NEK10: variants seen among roughly 807,000 people sequenced by gnomAD.
NEK10 encodes serine/threonine-protein kinase Nek10.
Under a neutral mutation model 159.8 loss-of-function variants are expected in NEK10, and 122 were observed. The ratio of observed to expected loss-of-function variants is 0.76; its 90% CI spans 0.66 to 0.89. The LOEUF is 0.89. NEK10 is among the 40% of genes least tolerant of loss of function. The pLI, the probability that NEK10 is intolerant of heterozygous loss-of-function variation, is 0.00. For synonymous variants in NEK10, 466 were observed against 457.1 expected (o/e 1.02, Z -0.25); for missense variants, 1,342 against 1,323.1 (o/e 1.01, Z -0.22).
chr3:27,248,487 G>C (rs1955322513), intron 23 of NEK10, among the ~76,000 whole-genome samples: 1 of 151,864 alleles, frequency 6.6e-6, no homozygotes, highest in Non-Finnish European at 1.5e-5. Context: ...TTTGGTTTAG[G>C]CATTTATAGC....
chr3:27,111,196 G>A lies in NEK10; in HGVS notation c.*76C>T. 2 of 1,379,602 alleles carry A rather than the reference G, an allele frequency of 1.4e-6. No individual in the cohort carries two copies. The highest frequency in any genetic ancestry group is 2.3e-5 in the East Asian group (1 of 43,326). The allele number at this position is 1,379,602 out of a possible 1,614,324, so 85.5% of individuals were successfully genotyped here. ...CCCTCTAGCAGCACCCAATCCTTGG[G>A]CATCTTGCAATAGCGGCTGAAGTCC... On this transcript the variant is annotated 3_prime_UTR_variant, in exon 36 of 36. Transcript: ENST00000691995.
At position 27,156,600 on chromosome 3, in the gene NEK10, C is replaced by T. The variant is rs1001832244; in HGVS notation, c.2869+6101G>A. Among the ~76,000 whole-genome samples the T allele has an allele frequency of 5.3e-5, 8 of 151,690 alleles. No homozygotes were observed. In the East Asian group the frequency reaches 5.8e-4, roughly 11 times the overall value. ...GGAAATGCAAATCAAAACCAAAATG[C>T]GATACCACCTTACTCCTGCAAGAAT... On this transcript the variant is annotated intron_variant, in intron 30 of 35. Coordinates refer to ENST00000691995, the MANE Select transcript of NEK10 (RefSeq NM_001394966.1).
At chr3:27,226,708 TATCTA>T (rs1198348803) in intron 23 of NEK10, among the ~76,000 whole-genome samples, 2 of 152,154 alleles carry the variant, frequency 1.3e-5, no homozygotes, top group Admixed American at 6.5e-5. Context: ...CCAATGCACA[TATCTA>T]ATATTAAGAT....
At chr3:27,178,032 G>T (rs146167918) in intron 26 of NEK10, among the ~76,000 whole-genome samples, 182 of 152,138 alleles carry the variant, frequency 1.2e-3, no homozygotes, top group African/African-American at 3.7e-3. Context: ...GACACATTCC[G>T]GATATCAATA....
At chr3:27,125,764 G>A (rs547244706) in intron 32 of NEK10, among the ~76,000 whole-genome samples, 6 of 152,184 alleles carry the variant, frequency 3.9e-5, no homozygotes, top group East Asian at 1.9e-4. Context: ...ACTCATCCCC[G>A]TTTCTGCCAA....
At chr3:27,348,355 G>A (rs1006992972) in intron 3 of NEK10, among the ~76,000 whole-genome samples, 5 of 152,150 alleles carry the variant, frequency 3.3e-5, no homozygotes, top group Admixed American at 1.3e-4. Context: ...CATTCCCTTT[G>A]CAGGCAGAGC....
intron 26 of NEK10, among the ~76,000 whole-genome samples, chr3:27,180,924 G>C (rs1233446003): frequency 6.6e-6 from 1 of 151,936 alleles, no homozygotes; most frequent in Non-Finnish European, 1.5e-5. Context: ...TATTACTCAA[G>C]TGCATGCCAG....
At chr3:27,331,770 CGTT>C (rs771780898) in intron 5 of NEK10, among the ~76,000 whole-genome samples, 1 of 152,108 alleles carries the variant, frequency 6.6e-6, no homozygotes, top group Non-Finnish European at 1.5e-5. Flanking sequence ...TTTCTAATAA[CGTT>C]GTGATGTTTT....
At chr3:27,297,269 G>A in intron 13 of NEK10, 29 bp from the exon 14 acceptor site, 2 of 1,486,414 alleles carry the variant, frequency 1.3e-6, no homozygotes, top group South Asian at 2.3e-5. Context: ...AATGCATAGT[G>A]TGCATCATTA....
intron 26 of NEK10, among the ~76,000 whole-genome samples, chr3:27,177,317 G>A (rs1312287181): frequency 1.3e-5 from 2 of 152,126 alleles, no homozygotes; most frequent in African/African-American, 4.8e-5. Context: ...GCTGAGGCAG[G>A]TGGATCACGA....
In NEK10 at chr3:27,107,860, C is replaced by A. The variant is rs1179343174; in HGVS notation, c.*3412G>T. Reference sequence around the variant, plus strand: ...GGAGCTAAAGTCATTTCTAAAGGAACCCAGCATATTGACTGTGCATGATTC... The same window carrying A: ...GGAGCTAAAGTCATTTCTAAAGGAAACCAGCATATTGACTGTGCATGATTC... On this transcript the variant is annotated 3_prime_UTR_variant, in exon 36 of 36. Coordinates refer to ENST00000691995, the MANE Select transcript of NEK10 (RefSeq NM_001394966.1). 6.6e-6 allele frequency among the ~76,000 whole-genome samples: 1 copy of A among 152,040 alleles called. No homozygotes were observed. The highest frequency in any genetic ancestry group is 1.5e-5 in the Non-Finnish European group (1 of 67,990).
At chr3:27,246,224 T>C (rs1955044423) in intron 23 of NEK10, among the ~76,000 whole-genome samples, 1 of 152,154 alleles carries the variant, frequency 6.6e-6, no homozygotes, top group Non-Finnish European at 1.5e-5. Flanking sequence ...CACCCTTTTT[T>C]ATTATGACTT....
rs1232353861 is a variant in NEK10, at chr3:27,285,014, TG to T, written c.1790-54del. On this transcript the variant is annotated intron_variant, in intron 20 of 35. Coordinates refer to ENST00000691995, the MANE Select transcript of NEK10 (RefSeq NM_001394966.1). ...AAATTTAAACTCAATACAGGCATCT[TG>T]AAAAACTTTACGAATGAGAGTTCAA... 2.1e-6 allele frequency: 3 copies of T among 1,433,702 alleles called. No homozygotes were observed. The African/African-American group carries it at 4.3e-5, about 20-fold the overall frequency. The allele number at this position is 1,433,702 out of a possible 1,614,324, so 88.8% of individuals were successfully genotyped here.
At chr3:27,304,619 G>T in intron 12 of NEK10, 128 bp downstream of exon 12, 1 of 657,118 alleles carries the variant, frequency 1.5e-6, no homozygotes, top group Non-Finnish European at 2.8e-6. Flanking sequence ...ACTTTGGAAA[G>T]CATGAATTAC....
chr3:27,188,321 T>C (rs1206510640), intron 26 of NEK10, among the ~76,000 whole-genome samples: 1 of 152,192 alleles, frequency 6.6e-6, no homozygotes, highest in Non-Finnish European at 1.5e-5. Context: ...TCTTTCCAAG[T>C]AGATTATCAG....
At chr3:27,185,664 C>T (rs1214191280) in intron 26 of NEK10, among the ~76,000 whole-genome samples, 1 of 152,158 alleles carries the variant, frequency 6.6e-6, no homozygotes, top group Non-Finnish European at 1.5e-5. Context: ...ATCTACTGCT[C>T]GTTCTGTTTC....
At chr3:27,115,428 G>C (rs1276547409) in intron 35 of NEK10, among the ~76,000 whole-genome samples, 1 of 152,158 alleles carries the variant, frequency 6.6e-6, no homozygotes, top group Non-Finnish European at 1.5e-5. Flanking sequence ...TACAGCTCCA[G>C]TAAATGGAGG....
chr3:27,114,182 C>A (rs573947907), intron 35 of NEK10, among the ~76,000 whole-genome samples: 3 of 152,198 alleles, frequency 2.0e-5, no homozygotes, highest in Non-Finnish European at 4.4e-5. Flanking sequence ...CCAACTCAGT[C>A]CTAGCTCCCT....
Position 27,152,717 on chromosome 3 carries a change from G to A in NEK10, c.2869+9984C>T, listed in dbSNP as rs144669607. On this transcript the variant is annotated intron_variant, in intron 30 of 35. Coordinates refer to ENST00000691995, the MANE Select transcript of NEK10 (RefSeq NM_001394966.1). Reference sequence around the variant, plus strand: ...CTAAATGCTCTGCTTAAAACATACAGAACCACAGAATGGATCAGAACTCAC... The same window carrying A: ...CTAAATGCTCTGCTTAAAACATACAAAACCACAGAATGGATCAGAACTCAC... 2.2e-3 allele frequency among the ~76,000 whole-genome samples: 339 copies of A among 152,140 alleles called. 11 individuals carry two copies. In the East Asian group the frequency reaches 0.057, roughly 26 times the overall value.
Sources: allele counts gnomAD v4.1 joint callset (sites outside exome capture counted in the v4.1 genomes callset), GRCh38; gene constraint gnomAD v4.1.1; transcripts MANE v1.5; gene names NCBI Gene and HGNC (gene_info 2026-07-23, HGNC 2026-07-21).